TRHDE: variants seen among roughly 807,000 people sequenced by gnomAD.
TRHDE encodes thyrotropin-releasing hormone-degrading ectoenzyme.
A neutral mutation model predicts 125.7 loss-of-function variants in TRHDE; 72 were observed. The observed-to-expected ratio is 0.57, with a 90% CI of 0.47 to 0.70. The LOEUF (loss-of-function observed/expected upper bound fraction) is 0.70. TRHDE is among the 30% of genes least tolerant of loss of function. The pLI is 0.00. For missense variants in TRHDE, 1,110 were observed against 1,327.1 expected (o/e 0.84, Z 2.54); for synonymous variants, 509 against 509.1 (o/e 1.00, Z 0.00).
In TRHDE at chr12:72,668,887, C is replaced by T. The variant is rs937946459; in HGVS notation, c.*5692C>T. The T allele has an allele frequency of 1.5e-4, 22 of 151,652 alleles. No homozygotes were observed. The highest frequency in any genetic ancestry group is 1.1e-3 in the Admixed American group (17 of 15,166). 9.4% of individuals were successfully genotyped at this position (151,652 alleles called of 1,614,324 possible). On this transcript the variant is annotated 3_prime_UTR_variant, in exon 19 of 19. Coordinates refer to ENST00000261180, the MANE Select transcript of TRHDE (RefSeq NM_013381.3). ...CATGTATGAAAACATAATGTTTATCCGTACAGACCATTCTCTATAGCAGAT... is the reference window on the plus strand; with the variant it reads ...CATGTATGAAAACATAATGTTTATCTGTACAGACCATTCTCTATAGCAGAT...
intron 10 of TRHDE, 93 bp downstream of exon 10, chr12:72,568,749 A>T (rs1353823033): frequency 1.3e-5 from 10 of 755,042 alleles, no homozygotes; most frequent in Admixed American, 2.5e-5. Context: ...AAATGTGAAT[A>T]AAGACAAATT....
At chr12:72,308,721 G>A (rs4598709) in intron 2 of TRHDE, among the ~76,000 whole-genome samples, 132,272 of 152,130 alleles carry the variant, frequency 0.87, 57,561 homozygotes, top group East Asian at 0.93. Flanking sequence ...ATTAAGTATT[G>A]TTTCTATCTA....
At chr12:72,650,698 T>C (rs1166350573) in intron 15 of TRHDE, among the ~76,000 whole-genome samples, 1 of 152,148 alleles carries the variant, frequency 6.6e-6, no homozygotes, top group Non-Finnish European at 1.5e-5. Flanking sequence ...TGTTGTTTTT[T>C]TTTCTTGCAA....
intron 15 of TRHDE, among the ~76,000 whole-genome samples, chr12:72,635,024 G>T (rs1037218490): frequency 3.3e-5 from 5 of 151,888 alleles, no homozygotes; most frequent in Non-Finnish European, 2.9e-5. Context: ...CCCAGTAATG[G>T]GATGGCTGGA....
intron 5 of TRHDE, among the ~76,000 whole-genome samples, chr12:72,484,306 G>A (rs1877307711): frequency 6.6e-6 from 1 of 152,062 alleles, no homozygotes; most frequent in Non-Finnish European, 1.5e-5. Flanking sequence ...TTAGCATGCA[G>A]GAAAATATTC....
rs147390108 is a variant in TRHDE at position 72,531,933 on chromosome 12, T to C, written c.1723-10358T>C. Among the ~76,000 whole-genome samples the C allele has an allele frequency of 1.7e-4, 26 of 152,276 alleles. No individual in the cohort carries two copies. In the East Asian group the frequency reaches 5.0e-3, roughly 29 times the overall value. On this transcript the variant is annotated intron_variant, in intron 6 of 18. Transcript: ENST00000261180. ...TCTTTTTCTATTTCAAAATTGCTGTTGTTTACTCTTTGCTAATCCATGTGA... is the reference window on the plus strand; with the variant it reads ...TCTTTTTCTATTTCAAAATTGCTGTCGTTTACTCTTTGCTAATCCATGTGA...
chr12:72,097,440 A>ATTTT (rs869290442), intron 1 of TRHDE, among the ~76,000 whole-genome samples: 2 of 21,640 alleles, frequency 9.2e-5, no homozygotes, highest in South Asian at 1.5e-3. Flanking sequence ...TTCTCACTGA[A>ATTTT]TTTTTTTTTT....
At chr12:72,287,270 C>T (rs1434883052) in intron 2 of TRHDE, among the ~76,000 whole-genome samples, 1 of 152,050 alleles carries the variant, frequency 6.6e-6, no homozygotes, top group Non-Finnish European at 1.5e-5. Flanking sequence ...TGGAAAATTG[C>T]CTGTTTGTAT....
At chr12:72,337,254 C>T (rs1180463849) in intron 2 of TRHDE, among the ~76,000 whole-genome samples, 1 of 152,122 alleles carries the variant, frequency 6.6e-6, no homozygotes, top group Non-Finnish European at 1.5e-5. Flanking sequence ...CCTTCTGCTC[C>T]TGTAGTTGTT....
chr12:72,656,718 T>A (rs1183467167), intron 17 of TRHDE, among the ~76,000 whole-genome samples: 1 of 152,116 alleles, frequency 6.6e-6, no homozygotes, highest in East Asian at 1.9e-4. Flanking sequence ...CTGTGAACCA[T>A]ATTAGGTGGG....
At chr12:72,094,252 G>T (rs1165443252) in intron 1 of TRHDE, among the ~76,000 whole-genome samples, 3 of 152,168 alleles carry the variant, frequency 2.0e-5, no homozygotes, top group Non-Finnish European at 4.4e-5. Context: ...TCCTGCAAGG[G>T]GTGTCACTGG....
At chr12:72,124,674 G>A (rs1362643094) in intron 2 of TRHDE, among the ~76,000 whole-genome samples, 1 of 151,978 alleles carries the variant, frequency 6.6e-6, no homozygotes, top group Non-Finnish European at 1.5e-5. Flanking sequence ...TCAGAGCTAC[G>A]GTGGAACATT....
chr12:72,168,991 A>G (rs1876813676), intron 2 of TRHDE, among the ~76,000 whole-genome samples: 1 of 152,220 alleles, frequency 6.6e-6, no homozygotes. Context: ...AAGTTATTTT[A>G]ATTTCAAGCT....
intron 2 of TRHDE, among the ~76,000 whole-genome samples, chr12:72,365,935 G>C (rs1306901854): frequency 1.3e-5 from 2 of 152,104 alleles, no homozygotes; most frequent in African/African-American, 2.4e-5. Context: ...TGCCTCTCCA[G>C]CTTCTAATAC....
chr12:72,604,827 G>A (rs955975553), intron 12 of TRHDE, among the ~76,000 whole-genome samples: 1 of 151,990 alleles, frequency 6.6e-6, no homozygotes, highest in Admixed American at 6.5e-5. Context: ...TTAACTATGA[G>A]ACTGTTATTA....
chr12:72,097,452 T>G (rs1217796694), intron 1 of TRHDE, among the ~76,000 whole-genome samples: 3 of 148,260 alleles, frequency 2.0e-5, no homozygotes, highest in Non-Finnish European at 4.5e-5. Flanking sequence ...TTTTTTTTTT[T>G]TTTTTTTTTT....
At chr12:72,448,616 G>A (rs1027121338) in intron 3 of TRHDE, among the ~76,000 whole-genome samples, 7 of 151,850 alleles carry the variant, frequency 4.6e-5, no homozygotes, top group Admixed American at 6.6e-5. Context: ...AGTTGTGTCC[G>A]TTATGTATTA....
intron 15 of TRHDE, among the ~76,000 whole-genome samples, chr12:72,625,254 C>A (rs190801697): frequency 6.6e-6 from 1 of 151,868 alleles, no homozygotes; most frequent in Admixed American, 6.6e-5. Flanking sequence ...TTAAAGGGCA[C>A]AATTTAAAGC....
At chr12:72,183,152 C>G (rs1218983651) in intron 2 of TRHDE, among the ~76,000 whole-genome samples, 3 of 152,178 alleles carry the variant, frequency 2.0e-5, no homozygotes, top group African/African-American at 7.2e-5. Context: ...AAACTCTCCT[C>G]TTTAACCAAG....
Sources: allele counts gnomAD v4.1 joint callset (sites outside exome capture counted in the v4.1 genomes callset), GRCh38; gene constraint gnomAD v4.1.1; transcripts MANE v1.5; gene names NCBI Gene and HGNC (gene_info 2026-07-23, HGNC 2026-07-21).